The following NID1 variants were observed in gnomAD, a reference collection of about 807,000 sequenced individuals.
NID1 encodes nidogen-1.
A neutral mutation model predicts 130.6 loss-of-function variants in NID1; 76 were observed. The observed-to-expected ratio is 0.58, with a 90% CI of 0.48 to 0.70. NID1 has a LOEUF of 0.70. Ranked by LOEUF, NID1 falls within the 30% of genes least tolerant of loss-of-function variation. The pLI is 0.00. For synonymous variants in NID1, 665 were observed against 675.1 expected, an observed-to-expected ratio of 0.98 and a Z score of 0.23; for missense variants, 1,517 against 1,664.8, an observed-to-expected ratio of 0.91 and a Z score of 1.54.
rs1558428747 is a variant in NID1, at chr1:236,003,223, T to TCACTCCTAGTGAACGACTAGTAGTTG, written c.2527+8697_2527+8698insCAACTACTAGTCGTTCACTAGGAGTG. Among the ~76,000 whole-genome samples the TCACTCCTAGTGAACGACTAGTAGTTG allele has an allele frequency of 3.3e-5, 5 of 151,266 alleles. 1 individual carries two copies. The highest frequency in any genetic ancestry group is 4.9e-5 in the African/African-American group (2 of 41,022). On this transcript the variant is annotated intron_variant, in intron 12 of 19. Transcript: ENST00000264187. ...ACTCCTAGTGAACGACCGGTAGTTA[T>TCACTCCTAGTGAACGACTAGTAGTTG]TCACTACTAATTTCAAGTATTCCCT...
At chr1:236,015,890 C>T (rs1658582739) in intron 10 of NID1, among the ~76,000 whole-genome samples, 2 of 151,996 alleles carry the variant, frequency 1.3e-5, no homozygotes, top group Admixed American at 1.3e-4. Flanking sequence ...GTCTTGCATC[C>T]CAGCCTGCCC....
At chr1:235,982,562 G>A (rs1657467641) in intron 15 of NID1, among the ~76,000 whole-genome samples, 1 of 152,204 alleles carries the variant, frequency 6.6e-6, no homozygotes, top group Non-Finnish European at 1.5e-5. Flanking sequence ...TAACACCCCA[G>A]TCTTTACTGG....
Position 236,038,074 on chromosome 1 carries a change from G to T in NID1, c.1285+30C>A, listed in dbSNP as rs771997472. 9 of 1,576,098 alleles carry T rather than the reference G, an allele frequency of 5.7e-6. No individual in the cohort carries two copies. In the Admixed American group the frequency reaches 8.6e-5, roughly 15 times the overall value. On this transcript the variant is annotated intron_variant, in intron 5 of 19. Transcript: ENST00000264187. ...CAAAAACTCCGCTCCTCCTTCTCCCGCATGAAACGAACATAGAAAAGCAAA... is the reference window on the plus strand; with the variant it reads ...CAAAAACTCCGCTCCTCCTTCTCCCTCATGAAACGAACATAGAAAAGCAAA...
chr1:236,031,282 C>T (rs548145809), intron 6 of NID1, among the ~76,000 whole-genome samples: 57 of 151,586 alleles, frequency 3.8e-4, no homozygotes, highest in African/African-American at 1.3e-3. Flanking sequence ...CCACACCTGG[C>T]TAATTTTTTG....
At chr1:236,038,337 C>T in intron 4 of NID1, 84 bp from the exon 5 acceptor site, 11 of 1,475,042 alleles carry the variant, frequency 7.5e-6, no homozygotes, top group Non-Finnish European at 1.0e-5. Context: ...CACCCTCAAG[C>T]ACTGCAGGGA....
chr1:235,978,061 C>T, intron 19 of NID1, 73 bp from the exon 20 acceptor site: 2 of 1,550,054 alleles, frequency 1.3e-6, no homozygotes, highest in Non-Finnish European at 8.8e-7. Context: ...ATAGTGGGCT[C>T]CTTCTTGTGT....
At position 236,041,932 on chromosome 1, in the gene NID1, A is replaced by G. The variant is rs371695146; in HGVS notation, c.1113T>C (p.Asp371=). ...HQQHPQVIDV[D]EVEETGVVFS... ...TACCAACTCCTGTTTCCTCAACTTC[A>G]TCCACATCTATGACCTGAGGGTGCT... The change falls in exon 4 of 20, where the codon GAT becomes GAC. Residue 371 remains aspartate (D), a synonymous_variant. Transcript: ENST00000264187. 6.2e-7 allele frequency: 1 copy of G among 1,609,872 alleles called. No homozygotes were observed. Among genetic ancestry groups the G allele is most frequent in the Non-Finnish European group, 8.5e-7 (1 of 1,177,486 alleles).
Position 235,979,157 on chromosome 1 carries a change from C to A in NID1, c.3510-50G>T. On this transcript the variant is annotated intron_variant, in intron 18 of 19. Transcript: ENST00000264187. This position sits in a 1 kb window ranked among gnomAD's most constrained non-coding sequence, Gnocchi z 4.6. The stretch of plus-strand genomic sequence containing the variant: ...GTGAAAACACATCTGATGGCTTGAA[C>A]TTGTATCTAAACAAGGCAGCCTCTT... 8.3e-7 allele frequency: 1 copy of A among 1,199,268 alleles called. No individual in the cohort carries two copies. The highest frequency in any genetic ancestry group is 1.2e-6 in the Non-Finnish European group (1 of 804,906). 74.3% of individuals were successfully genotyped at this position (1,199,268 alleles called of 1,614,324 possible).
intron 5 of NID1, among the ~76,000 whole-genome samples, chr1:236,034,763 T>C (rs537352566): frequency 2.3e-4 from 35 of 152,210 alleles, no homozygotes; most frequent in African/African-American, 7.5e-4. Context: ...CCCACCAAAT[T>C]GTATACTTTA....
At chr1:235,980,399 C>T (rs1277799725) in intron 17 of NID1, 97 bp downstream of exon 17, 7 of 1,259,092 alleles carry the variant, frequency 5.6e-6, no homozygotes, top group Non-Finnish European at 7.8e-6. Context: ...TATATAAAAA[C>T]AGGTGGCTGG....
intron 1 of NID1, among the ~76,000 whole-genome samples, chr1:236,060,098 C>CAAA (rs773686621): frequency 3.5e-4 from 18 of 50,926 alleles, no homozygotes; most frequent in African/African-American, 7.3e-4. Context: ...GACTCAGTCT[C>CAAA]AAAAAAAAAA....
At position 235,993,742 on chromosome 1, in the gene NID1, G is replaced by T. The variant is rs1297040605; in HGVS notation, c.2658C>A (p.Pro886=). Residue 886 remains proline, a synonymous_variant, in exon 13 of 20, where the codon CCC becomes CCA. Transcript: ENST00000264187. ...PECDAHGHYA[P]TQCHGSTGYC... is the part of the protein sequence containing the mutation. ...AGCCGGTGCTGCCGTGGCACTGGGTGGGCGCGTAGTGCCCGTGCGCATCGC... is the reference window on the plus strand; with the variant it reads ...AGCCGGTGCTGCCGTGGCACTGGGTTGGCGCGTAGTGCCCGTGCGCATCGC... The T allele has an allele frequency of 7.4e-6, 12 of 1,613,078 alleles. No homozygotes were observed. Among genetic ancestry groups the T allele is most frequent in the Non-Finnish European group, 1.0e-5 (12 of 1,179,442 alleles).
intron 9 of NID1, among the ~76,000 whole-genome samples, chr1:236,017,905 T>A (rs939371590): frequency 3.3e-5 from 5 of 152,224 alleles, no homozygotes; most frequent in Admixed American, 3.3e-4. Context: ...GGACTCTGAA[T>A]ACTGAGAGTC....
chr1:236,022,509 T>G (rs535006154), intron 9 of NID1, among the ~76,000 whole-genome samples: 210 of 151,318 alleles, frequency 1.4e-3, no homozygotes, highest in African/African-American at 4.9e-3. Flanking sequence ...CTTGGCTAAT[T>G]TTTGCATTTT....
Position 235,985,417 on chromosome 1 carries a change from C to T in NID1, c.3017G>A (p.Ser1006Asn). 1.2e-6 allele frequency: 2 copies of T among 1,614,128 alleles called. No homozygotes were observed. Among genetic ancestry groups the T allele is most frequent in the Non-Finnish European group, 8.5e-7 (1 of 1,179,992 alleles). ...DITEPSIGRA[S>N]LHGGEPTTII... ...GGTGGTTGGCTCTCCACCATGTAGA[C>T]TAGCTCTCCCAATGGAAGGCTCAGT... Residue 1006 changes from serine (S) to asparagine (N), a missense_variant, in exon 15 of 20, where the codon AGT becomes AAT. This residue lies in a region of NID1 where 1,329 missense variants were observed against 1,429.2 expected (regional missense o/e 0.93). Transcript: ENST00000264187.
chr1:236,053,369 A>G (rs1659815047), intron 1 of NID1, among the ~76,000 whole-genome samples: 1 of 152,216 alleles, frequency 6.6e-6, no homozygotes, highest in Non-Finnish European at 1.5e-5. Flanking sequence ...TTGAAGCCAC[A>G]GTATCCAAGA....
intron 12 of NID1, among the ~76,000 whole-genome samples, chr1:235,998,666 ACT>A (rs1657996021): frequency 6.8e-6 from 1 of 146,200 alleles, no homozygotes; most frequent in Admixed American, 6.8e-5. Flanking sequence ...CAAGAGCAAA[ACT>A]CTGTCTCAAA....
intron 9 of NID1, among the ~76,000 whole-genome samples, chr1:236,020,810 C>A (rs572478551): frequency 6.6e-6 from 1 of 152,350 alleles, no homozygotes; most frequent in Non-Finnish European, 1.5e-5. Flanking sequence ...ACTGGGAATA[C>A]ACTCGCATTC....
intron 1 of NID1, 83 bp from the exon 2 acceptor site, chr1:236,049,072 G>T: frequency 7.2e-7 from 1 of 1,381,530 alleles, no homozygotes; most frequent in Non-Finnish European, 1.0e-6. Context: ...CTAGAATACT[G>T]TCAGCTGTAC....
Sources: gnomAD v4.1 joint callset for allele counts (sites outside exome capture counted in the v4.1 genomes callset) on GRCh38, gnomAD v4.1.1 for gene constraint, gnomAD v4.1.1 regional missense constraint, Gnocchi (gnomAD v3.1) non-coding constraint, MANE v1.5 for transcripts, NCBI Gene and HGNC (gene_info 2026-07-23, HGNC 2026-07-21) for gene names.